The following ANKRD30A variants were observed in gnomAD, a reference collection of about 807,000 sequenced individuals.
The protein encoded by ANKRD30A is ankyrin repeat domain 30A, also known as ankyrin repeat domain-containing protein 30A.
Under a neutral mutation model 166.3 loss-of-function variants are expected in ANKRD30A, and 170 were observed. That is an observed-to-expected ratio of 1.02 (90% CI 0.90 to 1.16). The LOEUF (loss-of-function observed/expected upper bound fraction) is 1.16. Ranked by LOEUF, ANKRD30A falls within the 50% of genes most tolerant of loss-of-function variation. The pLI is 0.00. For synonymous variants in ANKRD30A, 564 were observed against 508.9 expected, an observed-to-expected ratio of 1.11 and a Z score of -1.46; for missense variants, 1,630 against 1,518.0, an observed-to-expected ratio of 1.07 and a Z score of -1.23.
intron 25 of ANKRD30A, among the ~76,000 whole-genome samples, chr10:37,190,645 A>G (rs1298650494): frequency 6.6e-6 from 1 of 151,704 alleles, no homozygotes; most frequent in Non-Finnish European, 1.5e-5. Flanking sequence ...ATGATTTTGG[A>G]TTTTCTATGA....
chr10:37,237,645 C>G, the ANKRD30A span, among the ~76,000 whole-genome samples: 1 of 152,082 alleles, frequency 6.6e-6, no homozygotes, highest in Non-Finnish European at 1.5e-5. Flanking sequence ...ATATTTTACC[C>G]TATAAGGAGC....
downstream of ANKRD30A, among the ~76,000 whole-genome samples, chr10:37,234,556 G>T (rs1843592441): frequency 6.6e-6 from 1 of 151,908 alleles, no homozygotes; most frequent in African/African-American, 2.4e-5. Flanking sequence ...TGTTTGAGAT[G>T]GATGTCTAAA....
chr10:37,129,298 ATAAGTGGCATTTCAATGTCAGAAATGT>A (rs1836238997), intron 1 of ANKRD30A, among the ~76,000 whole-genome samples: 2 of 152,212 alleles, frequency 1.3e-5, no homozygotes, highest in African/African-American at 4.8e-5. Flanking sequence ...ATAATGAACT[ATAAGTGGCATTTCAATGTCAGAAATGT>A]TAAAATATGA....
intron 13 of ANKRD30A, among the ~76,000 whole-genome samples, chr10:37,156,905 A>C (rs1838425103): frequency 6.6e-6 from 1 of 152,200 alleles, no homozygotes. Context: ...CAATATGGTC[A>C]TGCATATTTA....
At chr10:37,128,114 AG>A (rs1215218892) in intron 1 of ANKRD30A, among the ~76,000 whole-genome samples, 6 of 152,080 alleles carry the variant, frequency 3.9e-5, no homozygotes, top group Non-Finnish European at 8.8e-5. Context: ...GTACCAACTG[AG>A]GGTAAAGTTC....
At chr10:37,228,422 C>T (rs1159692165) in intron 34 of ANKRD30A, among the ~76,000 whole-genome samples, 1 of 151,846 alleles carries the variant, frequency 6.6e-6, no homozygotes, top group East Asian at 1.9e-4. Flanking sequence ...CTACAATGTT[C>T]TCTTTATTTT....
In ANKRD30A at chr10:37,196,487, G is replaced by A. The variant is rs897499458; in HGVS notation, c.2615-794G>A. Among the ~76,000 whole-genome samples the A allele has an allele frequency of 7.9e-5, 12 of 152,060 alleles. No homozygotes were observed. In the East Asian group the frequency reaches 1.3e-3, roughly 17 times the overall value. On this transcript the variant is annotated intron_variant, in intron 27 of 35. Coordinates refer to ENST00000361713, the MANE Select transcript of ANKRD30A (RefSeq NM_052997.3). ...ATTTATTATAGACTAATGATACACT[G>A]AACCAGACGAATTGTAGGAACTGTA...
In ANKRD30A at chr10:37,199,901, T is replaced by G. The variant is rs946346680; in HGVS notation, c.2778+113T>G. On this transcript the variant is annotated intron_variant, in intron 30 of 35. Coordinates refer to ENST00000361713, the MANE Select transcript of ANKRD30A (RefSeq NM_052997.3). Reference sequence around the variant, plus strand: ...CTGCATATGTCACCCGCAAATTATTTTTGATATTTTTCAGAATATGCTTAA... The same window carrying G: ...CTGCATATGTCACCCGCAAATTATTGTTGATATTTTTCAGAATATGCTTAA... 1.4e-5 allele frequency: 8 copies of G among 572,760 alleles called. No homozygotes were observed. The African/African-American group carries it at 1.6e-4, about 11-fold the overall frequency. The allele number at this position is 572,760 out of a possible 1,614,324, so 35.5% of individuals were successfully genotyped here. A position where few individuals can be genotyped will look rare whatever the true frequency, so the allele number is the denominator to read the frequency against.
the ANKRD30A span, among the ~76,000 whole-genome samples, chr10:37,265,515 T>C: frequency 6.6e-6 from 1 of 152,310 alleles, no homozygotes; most frequent in Admixed American, 6.5e-5. Flanking sequence ...GTCTTCCCAC[T>C]TCTAATCTGT....
At position 37,125,831 on chromosome 10, in the gene ANKRD30A, C is replaced by T. The variant is rs551041767; in HGVS notation, c.44C>T (p.Pro15Leu). 55 of 990,214 alleles carry T rather than the reference C, an allele frequency of 5.6e-5. No homozygotes were observed. The highest frequency in any genetic ancestry group is 7.9e-5 in the Non-Finnish European group (52 of 654,194). 61.3% of individuals were successfully genotyped at this position (990,214 alleles called of 1,614,324 possible). The change falls in exon 1 of 36, where the codon CCG becomes CTG. Residue 15 changes from proline (P) to leucine (L), a missense_variant. This residue lies in a region of ANKRD30A where 904 missense variants were observed against 818.5 expected (regional missense o/e 1.10). Coordinates refer to ENST00000361713, the MANE Select transcript of ANKRD30A (RefSeq NM_052997.3). ...SAAAVKVVPG[P>L]ERPSPFSQLV... Reference sequence around the variant, plus strand: ...GCCGCTGTCAAGGTCGTGCCGGGCCCGGAGCGCCCGAGCCCTTTCAGCCAG... The same window carrying T: ...GCCGCTGTCAAGGTCGTGCCGGGCCTGGAGCGCCCGAGCCCTTTCAGCCAG...
chr10:37,240,865 T>C, the ANKRD30A span: 1 of 152,186 alleles, frequency 6.6e-6, no homozygotes, highest in African/African-American at 2.4e-5. Context: ...GGTTATATAA[T>C]AGTATAACAC....
In ANKRD30A at chr10:37,136,611, C is replaced by T; in HGVS notation, c.760C>T (p.His254Tyr). The change falls in exon 6 of 36, where the codon CAT (histidine) becomes TAT (tyrosine). Residue 254 changes from histidine (H) to tyrosine (Y), a missense_variant. Coordinates refer to ENST00000361713, the MANE Select transcript of ANKRD30A (RefSeq NM_052997.3). ...TTATCACATTTTTATACATAGCATT[C>T]ATGAACAAATTATGGAATATATACG... ...YAVTCGFHHIHEQIMEYIRKL... is the reference protein window; with the variant it reads ...YAVTCGFHHIYEQIMEYIRKL... The T allele has an allele frequency of 7.4e-7, 1 of 1,345,328 alleles. No individual in the cohort carries two copies. The highest frequency in any genetic ancestry group is 1.0e-6 in the Non-Finnish European group (1 of 972,352). The allele number at this position is 1,345,328 out of a possible 1,614,324, so 83.3% of individuals were successfully genotyped here. A position where few individuals can be genotyped will look rare whatever the true frequency, so the allele number is the denominator to read the frequency against.
chr10:37,158,546 T>C lies in ANKRD30A; in HGVS notation c.1860T>C (p.Thr620=). Reference sequence around the variant, plus strand: ...GCGGAATGAAAGTTTCTATTCCAACTAAAGCCTTAGAATTGAAGGACATGC... The same window carrying C: ...GCGGAATGAAAGTTTCTATTCCAACCAAAGCCTTAGAATTGAAGGACATGC... ...ATCGMKVSIP[T]KALELKDMQT... Residue 620 remains threonine, a synonymous_variant, in exon 15 of 36, where the codon ACT becomes ACC. Transcript: ENST00000361713. The C allele has an allele frequency of 6.2e-7, 1 of 1,613,578 alleles. No individual in the cohort carries two copies. The highest frequency in any genetic ancestry group is 8.5e-7 in the Non-Finnish European group (1 of 1,179,718).
At chr10:37,236,168 A>G (rs1159935631), downstream of ANKRD30A, among the ~76,000 whole-genome samples, 4 of 152,148 alleles carry the variant, frequency 2.6e-5, no homozygotes, top group Admixed American at 6.5e-5. Context: ...TTTTACAAGT[A>G]TTATGTAGCC....
At chr10:37,134,145 C>A in intron 5 of ANKRD30A, 92 bp downstream of exon 5, 1 of 1,467,370 alleles carries the variant, frequency 6.8e-7, no homozygotes, top group South Asian at 1.3e-5. Context: ...CAGCCAGAAA[C>A]TAGGCAAAAA....
At chr10:37,134,645 C>T (rs1293048504) in intron 5 of ANKRD30A, among the ~76,000 whole-genome samples, 1 of 152,096 alleles carries the variant, frequency 6.6e-6, no homozygotes, top group African/African-American at 2.4e-5. Context: ...TCCAAAGTAC[C>T]AGCACCCTGC....
At chr10:37,132,369 A>G in intron 4 of ANKRD30A, 23 bp downstream of exon 4, 2 of 1,401,522 alleles carry the variant, frequency 1.4e-6, no homozygotes, top group Non-Finnish European at 1.9e-6. Flanking sequence ...TTTTTTTATT[A>G]AAAAACACTT....
At chr10:37,147,346 A>T (rs1837580095) in intron 8 of ANKRD30A, 24 bp from the exon 9 acceptor site, 19 of 1,490,192 alleles carry the variant, frequency 1.3e-5, no homozygotes, top group Non-Finnish European at 1.6e-5. Flanking sequence ...AACTGAAATT[A>T]TCTATTGATA....
chr10:37,250,751 T>A, the ANKRD30A span, among the ~76,000 whole-genome samples: 2 of 152,222 alleles, frequency 1.3e-5, no homozygotes, highest in South Asian at 4.1e-4. Flanking sequence ...AACGGGCCCT[T>A]GCCAAACACC....
Sources: allele counts gnomAD v4.1 joint callset (sites outside exome capture counted in the v4.1 genomes callset), GRCh38; gene constraint gnomAD v4.1.1; regional missense constraint gnomAD v4.1.1; transcripts MANE v1.5; gene names NCBI Gene and HGNC (gene_info 2026-07-23, HGNC 2026-07-21).